The following HIRA variants were observed in gnomAD, a reference collection of about 807,000 sequenced individuals.
The protein encoded by HIRA is protein HIRA.
A neutral mutation model predicts 126.6 loss-of-function variants in HIRA; 13 were observed. That is an observed-to-expected ratio of 0.10 (90% CI 0.07 to 0.16). HIRA has a LOEUF of 0.16. HIRA is among the 10% of genes least tolerant of loss of function. HIRA has a pLI of 1.00. For missense variants in HIRA, 834 were observed against 1,314.4 expected, an observed-to-expected ratio of 0.63 and a Z score of 5.65; for synonymous variants, 511 against 520.0, an observed-to-expected ratio of 0.98 and a Z score of 0.24.
At chr22:19,401,075 C>T (rs527382939) in intron 5 of HIRA, among the ~76,000 whole-genome samples, 51 of 152,226 alleles carry the variant, frequency 3.4e-4, no homozygotes, top group African/African-American at 1.2e-3. Context: ...CTCCATCTTC[C>T]TACACGCCTG....
chr22:19,336,453 A>C (rs916243784), intron 24 of HIRA, among the ~76,000 whole-genome samples: 3 of 152,254 alleles, frequency 2.0e-5, no homozygotes, highest in African/African-American at 7.2e-5. Context: ...ACAGCAATTC[A>C]TAACAGAACA....
Position 19,431,532 on chromosome 22 carries a change from C to A in HIRA, c.-56G>T. The A allele has an allele frequency of 1.4e-6, 2 of 1,456,142 alleles. No individual in the cohort carries two copies. Among genetic ancestry groups the A allele is most frequent in the Admixed American group, 2.1e-5 (1 of 48,644 alleles). The allele number at this position is 1,456,142 out of a possible 1,614,324, so 90.2% of individuals were successfully genotyped here. On this transcript the variant is annotated 5_prime_UTR_variant, in exon 1 of 25. Coordinates refer to ENST00000263208, the MANE Select transcript of HIRA (RefSeq NM_003325.4). ...CGAGCGCCGGGTCCCTCAGCGCGCC[C>A]GGGCCATGGAGCCACCGCCGCCGCT... is the stretch of plus-strand genomic sequence containing the variant.
At chr22:19,381,304 C>T (rs1222111698) in intron 13 of HIRA, among the ~76,000 whole-genome samples, 2 of 152,216 alleles carry the variant, frequency 1.3e-5, no homozygotes, top group African/African-American at 4.8e-5. Context: ...CCATATCATC[C>T]TTAAATAATT....
chr22:19,387,693 C>G lies in HIRA; in HGVS notation c.1113+18G>C. 1.9e-6 allele frequency: 3 copies of G among 1,605,198 alleles called. No homozygotes were observed. Among genetic ancestry groups the G allele is most frequent in the Non-Finnish European group, 2.6e-6 (3 of 1,172,774 alleles). The stretch of plus-strand genomic sequence containing the variant: ...AATGGCCACAGAGCACCCAGCAGCA[C>G]AAGAGCCGTCAGCCTACCTTCTCCT... On this transcript the variant is annotated intron_variant, in intron 11 of 24. Coordinates refer to ENST00000263208, the MANE Select transcript of HIRA (RefSeq NM_003325.4).
At chr22:19,360,195 G>A (rs777052399) in intron 17 of HIRA, among the ~76,000 whole-genome samples, 1 of 152,098 alleles carries the variant, frequency 6.6e-6, no homozygotes, top group South Asian at 2.1e-4. Flanking sequence ...GAGCTGGGCC[G>A]AGGGCTGACT....
chr22:19,410,123 G>C (rs2089340544), intron 2 of HIRA, among the ~76,000 whole-genome samples: 1 of 152,170 alleles, frequency 6.6e-6, no homozygotes, highest in East Asian at 1.9e-4. Flanking sequence ...TATACATCTT[G>C]GTATTGTGGC....
chr22:19,354,064 G>A lies in HIRA; in HGVS notation c.2616C>T (p.Ser872=), dbSNP rs1283359786. Residue 872 remains serine (S), a synonymous_variant, in exon 22 of 25, where the codon AGC becomes AGT. Coordinates refer to ENST00000263208, the MANE Select transcript of HIRA (RefSeq NM_003325.4). ...DSLAQCADFR[S]SLPSQDAMLC... ...GCATGGCGTCCTGGGATGGCAGGCT[G>A]CTCCTAAAGTCTGCACACTGAGCCA... 3.1e-6 allele frequency: 5 copies of A among 1,613,124 alleles called. No individual in the cohort carries two copies. Among genetic ancestry groups the A allele is most frequent in the Non-Finnish European group, 4.2e-6 (5 of 1,179,688 alleles).
chr22:19,331,327 C>T lies in HIRA; in HGVS notation c.*113G>A. The T allele has an allele frequency of 6.3e-7, 1 of 1,596,700 alleles. No individual in the cohort carries two copies. The highest frequency in any genetic ancestry group is 8.5e-7 in the Non-Finnish European group (1 of 1,177,522). ...GGCGCTGGTGCAGGACAGCACATCT[C>T]CTGCCAGTGTCTCCTCCCCCTACAG... On this transcript the variant is annotated 3_prime_UTR_variant, in exon 25 of 25. Transcript: ENST00000263208.
intron 1 of HIRA, among the ~76,000 whole-genome samples, chr22:19,421,902 C>T (rs2089449461): frequency 6.6e-6 from 1 of 152,090 alleles, no homozygotes; most frequent in African/African-American, 2.4e-5. Flanking sequence ...GAACTCCTAA[C>T]CTCAAGTGAT....
At chr22:19,385,429 C>G (rs1039097351) in intron 12 of HIRA, 92 bp downstream of exon 12, 9 of 1,290,654 alleles carry the variant, frequency 7.0e-6, no homozygotes, top group Non-Finnish European at 9.8e-6. Flanking sequence ...CCACTCTAAA[C>G]AAACCCCTTC....
rs1180194850 is a variant in HIRA at position 19,331,324 on chromosome 22, TCTC to T, written c.*113_*115del. 5 of 1,595,764 alleles carry T rather than the reference TCTC, an allele frequency of 3.1e-6. No individual in the cohort carries two copies. The highest frequency in any genetic ancestry group is 4.2e-6 in the Non-Finnish European group (5 of 1,177,164). Reference sequence around the variant, plus strand: ...GCTGGCGCTGGTGCAGGACAGCACATCTCCTGCCAGTGTCTCCTCCCCCTACAG... The same window carrying T: ...GCTGGCGCTGGTGCAGGACAGCACATCTGCCAGTGTCTCCTCCCCCTACAG... On this transcript the variant is annotated 3_prime_UTR_variant, in exon 25 of 25. Coordinates refer to ENST00000263208, the MANE Select transcript of HIRA (RefSeq NM_003325.4).
At chr22:19,334,068 G>A (rs1315962434) in intron 24 of HIRA, among the ~76,000 whole-genome samples, 1 of 151,292 alleles carries the variant, frequency 6.6e-6, no homozygotes, top group Non-Finnish European at 1.5e-5. Context: ...TCCGCCTCCT[G>A]GGTTCACACC....
chr22:19,423,061 T>C (rs921319504), intron 1 of HIRA, among the ~76,000 whole-genome samples: 1 of 152,110 alleles, frequency 6.6e-6, no homozygotes, highest in East Asian at 1.9e-4. Flanking sequence ...CTTCCTTCAC[T>C]CCTTCAATGG....
intron 17 of HIRA, 116 bp from the exon 18 acceptor site, chr22:19,359,600 C>T: frequency 8.2e-7 from 1 of 1,218,320 alleles, no homozygotes; most frequent in Non-Finnish European, 1.1e-6. Context: ...GGCAGACTGG[C>T]TGGCCAAGAG....
At chr22:19,363,227 C>T (rs1205790259) in intron 15 of HIRA, among the ~76,000 whole-genome samples, 1 of 147,432 alleles carries the variant, frequency 6.8e-6, no homozygotes, top group Non-Finnish European at 1.5e-5. Flanking sequence ...AGTGAGATTC[C>T]GTCTCAAAAA....
At chr22:19,401,989 G>A (rs1217858719) in intron 5 of HIRA, among the ~76,000 whole-genome samples, 2 of 152,134 alleles carry the variant, frequency 1.3e-5, no homozygotes, top group African/African-American at 4.8e-5. Context: ...CAGCTCCCAG[G>A]GGTTCACTGG....
At chr22:19,412,153 G>T (rs940234008) in intron 1 of HIRA, among the ~76,000 whole-genome samples, 52 of 152,128 alleles carry the variant, frequency 3.4e-4, no homozygotes, top group African/African-American at 1.3e-3. Context: ...GTTCAACTTT[G>T]GCTCTCTGGA....
At position 19,431,300 on chromosome 22, in the gene HIRA, G is replaced by A; in HGVS notation, c.37+140C>T. On this transcript the variant is annotated intron_variant, in intron 1 of 24. Transcript: ENST00000263208. ...CCTCTCCGCGCTGAGGACAAAGTCC[G>A]CTCCCGCCGGCTTCTTGGCTTGGGC... The A allele has an allele frequency of 8.5e-6, 8 of 940,836 alleles. No homozygotes were observed. In the South Asian group the frequency reaches 9.2e-5, roughly 11 times the overall value. 58.3% of individuals were successfully genotyped at this position (940,836 alleles called of 1,614,324 possible).
intron 5 of HIRA, among the ~76,000 whole-genome samples, chr22:19,401,711 A>G (rs1207553524): frequency 6.6e-6 from 1 of 152,086 alleles, no homozygotes; most frequent in East Asian, 1.9e-4. Context: ...CCCATATTCA[A>G]TGCACCAGGA....
Sources: allele counts gnomAD v4.1 joint callset (sites outside exome capture counted in the v4.1 genomes callset), GRCh38; gene constraint gnomAD v4.1.1; transcripts MANE v1.5; gene names NCBI Gene and HGNC (gene_info 2026-07-23, HGNC 2026-07-21).